Variants in GAN observed in about 807,000 individuals in gnomAD.
GAN encodes the protein gigaxonin.
Under a neutral mutation model 71.3 loss-of-function variants are expected in GAN, and 48 were observed. That is an observed-to-expected ratio of 0.67 (90% CI 0.53 to 0.86). The LOEUF (loss-of-function observed/expected upper bound fraction) is 0.86, where lower values mean the gene tolerates loss of function less well. GAN is among the 40% of genes least tolerant of loss of function. The probability of loss-of-function intolerance (pLI) is 0.00; values close to 1 mark genes in which losing one functional copy is unlikely to be tolerated. For missense variants in GAN, 928 were observed against 770.1 expected, an observed-to-expected ratio of 1.21 and a Z score of -2.43; for synonymous variants, 386 against 276.8, an observed-to-expected ratio of 1.39 and a Z score of -3.92.
rs748121633 is a variant in GAN, at chr16:81,354,525, A to G, written c.403A>G (p.Ile135Val). 2 of 1,614,018 alleles carry G rather than the reference A, an allele frequency of 1.2e-6. No homozygotes were observed. Among genetic ancestry groups the G allele is most frequent in the Non-Finnish European group, 1.7e-6 (2 of 1,179,896 alleles). The change falls in exon 3 of 11, where the codon ATT becomes GTT. Residue 135 changes from isoleucine to valine, a missense_variant. Ile to Val is a conservative substitution (Grantham distance 29). Transcript: ENST00000648994. ...LEGCIAAENC[I>V]GIRDFALHYC... is the part of the protein sequence containing the mutation. Reference sequence around the variant, plus strand: ...AGGCTGCATTGCTGCTGAGAACTGTATTGGTATCCGTGACTTTGCACTACA... The same window carrying G: ...AGGCTGCATTGCTGCTGAGAACTGTGTTGGTATCCGTGACTTTGCACTACA...
At chr16:81,352,449 T>C (rs1320757470) in intron 2 of GAN, among the ~76,000 whole-genome samples, 5 of 152,186 alleles carry the variant, frequency 3.3e-5, no homozygotes, top group African/African-American at 1.2e-4. Flanking sequence ...TTGTTTTGTT[T>C]TTTTAACAGA....
intron 1 of GAN, among the ~76,000 whole-genome samples, chr16:81,329,390 GGAAAAAAA>G (rs1168355442): frequency 1.3e-5 from 2 of 151,772 alleles, no homozygotes; most frequent in African/African-American, 2.4e-5. Flanking sequence ...TACTTATATT[GGAAAAAAA>G]GAAAAAAAGT....
chr16:81,333,071 C>G (rs1424249841), intron 1 of GAN, among the ~76,000 whole-genome samples: 2 of 152,024 alleles, frequency 1.3e-5, no homozygotes, highest in Non-Finnish European at 1.5e-5. Flanking sequence ...AACCCCATCT[C>G]TACCAAAAAT....
chr16:81,354,253 A>T, intron 2 of GAN, 152 bp from the exon 3 acceptor site: 1 of 630,516 alleles, frequency 1.6e-6, no homozygotes. Context: ...AAAAAAAAAA[A>T]AAATGCTGGG....
At chr16:81,350,359 C>A (rs563756307) in intron 1 of GAN, among the ~76,000 whole-genome samples, 1 of 152,134 alleles carries the variant, frequency 6.6e-6, no homozygotes, top group African/African-American at 2.4e-5. Flanking sequence ...GTGACAGATT[C>A]AAATGTTGTA....
chr16:81,318,616 A>G (rs1377844534), intron 1 of GAN, among the ~76,000 whole-genome samples: 1 of 152,260 alleles, frequency 6.6e-6, no homozygotes, highest in Admixed American at 6.5e-5. Context: ...CTTGTTTGGC[A>G]TACTTTCTAC....
At chr16:81,315,370 T>TC in intron 1 of GAN, 90 bp downstream of exon 1, 1 of 904,038 alleles carries the variant, frequency 1.1e-6, no homozygotes. Flanking sequence ...CCAGACCCTG[T>TC]CCCCTGTCCC....
rs928982631 is a variant in GAN at position 81,384,282 on chromosome 16, G to A, written c.*6686G>A. ...TGAGGAATACAATTCTCTAAGGCCTGTTTTCCATTTTACTACTTAAAAAAA... is the reference window on the plus strand; with the variant it reads ...TGAGGAATACAATTCTCTAAGGCCTATTTTCCATTTTACTACTTAAAAAAA... On this transcript the variant is annotated 3_prime_UTR_variant, in exon 11 of 11. Transcript: ENST00000648994. The A allele has an allele frequency of 2.8e-5, 4 of 140,404 alleles. No individual in the cohort carries two copies. Among genetic ancestry groups the A allele is most frequent in the African/African-American group, 1.1e-4 (4 of 37,834 alleles). The allele number at this position is 140,404 out of a possible 1,614,324, so 8.7% of individuals were successfully genotyped here.
chr16:81,388,904 A>G lies in GAN; in HGVS notation c.*11308A>G, dbSNP rs201038327. 2 of 152,230 alleles carry G rather than the reference A, an allele frequency of 1.3e-5. No homozygotes were observed. Among genetic ancestry groups the G allele is most frequent in the East Asian group, 3.8e-4 (2 of 5,198 alleles). 9.4% of individuals were successfully genotyped at this position (152,230 alleles called of 1,614,324 possible). On this transcript the variant is annotated 3_prime_UTR_variant, in exon 11 of 11. Transcript: ENST00000648994. ...TTTTTTAAAAGGAATTTGTGCTTCAAAAGAAACTCCAAAAAATAAATTTAT... is the reference window on the plus strand; with the variant it reads ...TTTTTTAAAAGGAATTTGTGCTTCAGAAGAAACTCCAAAAAATAAATTTAT...
intron 1 of GAN, among the ~76,000 whole-genome samples, chr16:81,329,074 A>C (rs1457873450): frequency 6.6e-6 from 1 of 152,198 alleles, no homozygotes; most frequent in African/African-American, 2.4e-5. Context: ...GATGATTTAC[A>C]TGCCAATCTT....
At chr16:81,355,488 C>T (rs1006968897) in intron 3 of GAN, among the ~76,000 whole-genome samples, 8 of 152,112 alleles carry the variant, frequency 5.3e-5, no homozygotes, top group African/African-American at 1.9e-4. Flanking sequence ...CCTCAGCCTC[C>T]GAGTAGCTAG....
intron 9 of GAN, among the ~76,000 whole-genome samples, chr16:81,367,774 T>C (rs1244560635): frequency 6.6e-6 from 1 of 152,104 alleles, no homozygotes; most frequent in Non-Finnish European, 1.5e-5. Context: ...GAGGAAAGGG[T>C]GAGCGGTGTG....
At chr16:81,338,868 C>G (rs1475958807) in intron 1 of GAN, among the ~76,000 whole-genome samples, 2 of 152,180 alleles carry the variant, frequency 1.3e-5, no homozygotes, top group African/African-American at 4.8e-5. Flanking sequence ...TTCCAACTTT[C>G]ACTTCATTCT....
chr16:81,334,333 T>G (rs1246108868), intron 1 of GAN, among the ~76,000 whole-genome samples: 1 of 152,210 alleles, frequency 6.6e-6, no homozygotes, highest in African/African-American at 2.4e-5. Flanking sequence ...ACCTCCATTG[T>G]GAAGGTGGGT....
At chr16:81,376,703 C>T (rs1044021017) in intron 9 of GAN, among the ~76,000 whole-genome samples, 3 of 149,938 alleles carry the variant, frequency 2.0e-5, no homozygotes, top group Non-Finnish European at 2.9e-5. Flanking sequence ...TATATGCACA[C>T]GCATACACAC....
intron 1 of GAN, among the ~76,000 whole-genome samples, chr16:81,338,169 A>G (rs1204678971): frequency 1.3e-5 from 2 of 152,224 alleles, no homozygotes; most frequent in African/African-American, 2.4e-5. Context: ...ATCCATTTTT[A>G]TAATACTTTC....
intron 1 of GAN, among the ~76,000 whole-genome samples, chr16:81,329,355 C>G (rs936271228): frequency 1.3e-5 from 2 of 152,122 alleles, no homozygotes; most frequent in Non-Finnish European, 2.9e-5. Flanking sequence ...GGTTGCCGCC[C>G]TCAAATGTGG....
At chr16:81,353,099 G>A (rs1328174778) in intron 2 of GAN, among the ~76,000 whole-genome samples, 1 of 152,106 alleles carries the variant, frequency 6.6e-6, no homozygotes, top group Non-Finnish European at 1.5e-5. Flanking sequence ...AGACCATCCT[G>A]GCTAACACGG....
rs527326673 is a variant in GAN, at chr16:81,385,644, G to C, written c.*8048G>C. 1 of 152,434 alleles carries C rather than the reference G, an allele frequency of 6.6e-6. No individual in the cohort carries two copies. The highest frequency in any genetic ancestry group is 2.1e-4 in the South Asian group (1 of 4,822). The allele number at this position is 152,434 out of a possible 1,614,324, so 9.4% of individuals were successfully genotyped here. Reference sequence around the variant, plus strand: ...CACCTCTCAACATGGGGTGGTGGGAGGCCCTGTGGATGAGGCCAAGGCTGC... The same window carrying C: ...CACCTCTCAACATGGGGTGGTGGGACGCCCTGTGGATGAGGCCAAGGCTGC... On this transcript the variant is annotated 3_prime_UTR_variant, in exon 11 of 11. Coordinates refer to ENST00000648994, the MANE Select transcript of GAN (RefSeq NM_022041.4).
Sources: gnomAD v4.1 joint callset for allele counts (sites outside exome capture counted in the v4.1 genomes callset) on GRCh38, gnomAD v4.1.1 for gene constraint, MANE v1.5 for transcripts, NCBI Gene and HGNC (gene_info 2026-07-23, HGNC 2026-07-21) for gene names.